The following DIP2B variants were observed in gnomAD, a reference collection of about 807,000 sequenced individuals.
The protein encoded by DIP2B is disco-interacting protein 2 homolog B.
In DIP2B, 76 loss-of-function variants were observed where a neutral mutation model predicts 198.0. The ratio of observed to expected loss-of-function variants is 0.38; its 90% CI spans 0.32 to 0.46. The LOEUF (loss-of-function observed/expected upper bound fraction) is 0.46. Ranked by LOEUF, DIP2B falls within the 20% of genes least tolerant of loss-of-function variation. DIP2B has a pLI of 0.99. For synonymous variants in DIP2B, 701 were observed against 739.1 expected, an observed-to-expected ratio of 0.95 and a Z score of 0.84; for missense variants, 1,559 against 1,978.4, an observed-to-expected ratio of 0.79 and a Z score of 4.02.
At chr12:50,682,958 T>C (rs1440984321) in intron 9 of DIP2B, among the ~76,000 whole-genome samples, 180 bp from the exon 10 acceptor site, 1 of 152,232 alleles carries the variant, frequency 6.6e-6, no homozygotes, top group Non-Finnish European at 1.5e-5. Context: ...CGTGGGCATG[T>C]CGGAGATCTT....
intron 1 of DIP2B, among the ~76,000 whole-genome samples, chr12:50,606,279 G>A (rs1046055887): frequency 6.6e-5 from 10 of 151,982 alleles, no homozygotes; most frequent in African/African-American, 2.2e-4. Context: ...TGCCACCATG[G>A]CTGGCTAGTG....
In DIP2B at chr12:50,640,817, G is replaced by A. The variant is rs148038931; in HGVS notation, c.266G>A (p.Arg89Gln). 7 of 1,613,898 alleles carry A rather than the reference G, an allele frequency of 4.3e-6. No homozygotes were observed. Among genetic ancestry groups the A allele is most frequent in the Middle Eastern group, 1.6e-4 (1 of 6,062 alleles). Residue 89 changes from arginine to glutamine, a missense_variant, in exon 3 of 38, where the codon CGA (arginine) becomes CAA (glutamine). Arg to Gln is a conservative substitution (Grantham distance 43, BLOSUM62 1). Transcript: ENST00000301180. Reference sequence around the variant, plus strand: ...GCTCCCTCTAAGTACCACCGAACTCGATCTGGGGGAGCCAGGGATGAACGA... The same window carrying A: ...GCTCCCTCTAAGTACCACCGAACTCAATCTGGGGGAGCCAGGGATGAACGA... ...TSAPSKYHRTRSGGARDERYR... is the reference protein window; with the variant it reads ...TSAPSKYHRTQSGGARDERYR...
chr12:50,542,796 A>C (rs1261536781), intron 1 of DIP2B, among the ~76,000 whole-genome samples: 3 of 152,216 alleles, frequency 2.0e-5, no homozygotes, highest in Non-Finnish European at 2.9e-5. Flanking sequence ...TGGCCAAAGA[A>C]TATGACACAA....
intron 12 of DIP2B, among the ~76,000 whole-genome samples, chr12:50,690,310 T>G (rs990812066): frequency 6.6e-6 from 1 of 152,136 alleles, no homozygotes; most frequent in South Asian, 2.1e-4. Flanking sequence ...GTGGTCTCGA[T>G]CTCCTGACCT....
At chr12:50,741,638 A>G (rs1343595506) in intron 37 of DIP2B, 99 bp downstream of exon 37, 1 of 1,438,304 alleles carries the variant, frequency 7.0e-7, no homozygotes, top group East Asian at 2.3e-5. Context: ...CCTACCTTGA[A>G]ACATAGAGCT....
At chr12:50,568,254 A>G (rs1450060474) in intron 1 of DIP2B, among the ~76,000 whole-genome samples, 1 of 152,054 alleles carries the variant, frequency 6.6e-6, no homozygotes, top group Non-Finnish European at 1.5e-5. Context: ...GGTCAGCCTG[A>G]GATGCATGTT....
At chr12:50,648,580 GTCTCGATCTCCTGGCC>G (rs1938392369) in intron 3 of DIP2B, among the ~76,000 whole-genome samples, 1 of 151,504 alleles carries the variant, frequency 6.6e-6, no homozygotes, top group Admixed American at 6.6e-5. Context: ...AGCCAGGATG[GTCTCGATCTCCTGGCC>G]TCGTGATCCG....
rs535189005 is a variant in DIP2B at position 50,505,855 on chromosome 12, TAAG to T, written c.100+619_100+621del. Among the ~76,000 whole-genome samples the T allele has an allele frequency of 1.5e-4, 22 of 150,340 alleles. No individual in the cohort carries two copies. The South Asian group carries it at 2.1e-3, about 15-fold the overall frequency. On this transcript the variant is annotated intron_variant, in intron 1 of 37. Coordinates refer to ENST00000301180, the MANE Select transcript of DIP2B (RefSeq NM_173602.3). ...TGCTGCTTTTAGACCACCTTTGTCATAAGAAGTTTTTTTTTTTCCTGGTGCCTG... is the reference window on the plus strand; with the variant it reads ...TGCTGCTTTTAGACCACCTTTGTCATAAGTTTTTTTTTTTCCTGGTGCCTG...
At chr12:50,659,407 G>A (rs542818952) in intron 3 of DIP2B, among the ~76,000 whole-genome samples, 555 of 152,116 alleles carry the variant, frequency 3.6e-3, no homozygotes, top group African/African-American at 0.013. Context: ...TAGACAAAAG[G>A]AAACTATTTT....
intron 3 of DIP2B, among the ~76,000 whole-genome samples, chr12:50,651,503 A>G (rs537506683): frequency 3.9e-5 from 6 of 151,984 alleles, no homozygotes; most frequent in Non-Finnish European, 8.8e-5. Flanking sequence ...CAATTTTTGT[A>G]TATCATGTTA....
intron 1 of DIP2B, among the ~76,000 whole-genome samples, chr12:50,524,929 T>A (rs900523173): frequency 6.6e-6 from 1 of 152,196 alleles, no homozygotes; most frequent in African/African-American, 2.4e-5. Context: ...TCTTGCCATG[T>A]TTCCCAGGCT....
intron 1 of DIP2B, among the ~76,000 whole-genome samples, chr12:50,553,750 C>T (rs1048770384): frequency 3.9e-5 from 6 of 152,132 alleles, no homozygotes; most frequent in African/African-American, 1.2e-4. Flanking sequence ...ATCTCCTGGG[C>T]TCAGGTGATC....
At chr12:50,506,548 C>T (rs576168951) in intron 1 of DIP2B, among the ~76,000 whole-genome samples, 20 of 152,272 alleles carry the variant, frequency 1.3e-4, no homozygotes, top group African/African-American at 4.6e-4. Flanking sequence ...TTTACCTGTA[C>T]TTAACTATCA....
In DIP2B at chr12:50,640,860, G is replaced by A. The variant is rs1050579222; in HGVS notation, c.301+8G>A. ...ATGAACGATATCGATCAGGTGAGGA[G>A]AAGCTGCAGAATGGCCAGCTGAATC... On this transcript the variant is annotated splice_region_variant and intron_variant, in intron 3 of 37. Transcript: ENST00000301180. The A allele has an allele frequency of 2.5e-6, 4 of 1,610,762 alleles. No homozygotes were observed. Among genetic ancestry groups the A allele is most frequent in the Admixed American group, 3.4e-5 (2 of 59,220 alleles).
intron 6 of DIP2B, 80 bp from the exon 7 acceptor site, chr12:50,675,249 T>TA (rs1404138282): frequency 6.5e-7 from 1 of 1,529,676 alleles, no homozygotes; most frequent in Non-Finnish European, 8.8e-7. Flanking sequence ...TCCTTAGAAA[T>TA]AAAAGCTCCT....
chr12:50,682,333 G>T (rs945099682), intron 9 of DIP2B, among the ~76,000 whole-genome samples: 1 of 152,140 alleles, frequency 6.6e-6, no homozygotes, highest in Admixed American at 6.5e-5. Context: ...GAATTAAAGA[G>T]TAAGAAAACT....
chr12:50,530,966 C>G (rs1408607187), intron 1 of DIP2B, among the ~76,000 whole-genome samples: 2 of 152,096 alleles, frequency 1.3e-5, no homozygotes, highest in African/African-American at 4.8e-5. Context: ...AAAGGCCTGT[C>G]CTGAAGATAT....
chr12:50,615,638 G>A lies in DIP2B; in HGVS notation c.101-10338G>A, dbSNP rs1937685444. On this transcript the variant is annotated intron_variant, in intron 1 of 37. Coordinates refer to ENST00000301180, the MANE Select transcript of DIP2B (RefSeq NM_173602.3). ...TAGTTATTCTTAGGACTTAAGGGTG[G>A]GGTTGGGGCTGGGGAGTTGTCAACT... Among the ~76,000 whole-genome samples, 3 of 152,136 alleles carry A rather than the reference G, an allele frequency of 2.0e-5. No homozygotes were observed. In the South Asian group the frequency reaches 6.2e-4, roughly 32 times the overall value.
At position 50,747,186 on chromosome 12, in the gene DIP2B, A is replaced by G. The variant is rs1241786460; in HGVS notation, c.*2347A>G. On this transcript the variant is annotated 3_prime_UTR_variant, in exon 38 of 38. Transcript: ENST00000301180. ...ACACATCTCAATTCAAACCATCACC[A>G]TATTTCAAGTCTTTGTAGCCAAATG... is the stretch of plus-strand genomic sequence containing the variant. 1 of 152,222 alleles carries G rather than the reference A, an allele frequency of 6.6e-6. No individual in the cohort carries two copies. The highest frequency in any genetic ancestry group is 1.5e-5 in the Non-Finnish European group (1 of 68,038). The allele number at this position is 152,222 out of a possible 1,614,324, so 9.4% of individuals were successfully genotyped here.
Sources: allele counts gnomAD v4.1 joint callset (sites outside exome capture counted in the v4.1 genomes callset), GRCh38; gene constraint gnomAD v4.1.1; transcripts MANE v1.5; gene names NCBI Gene and HGNC (gene_info 2026-07-23, HGNC 2026-07-21).